Variants in ACCSL observed in about 807,000 individuals in gnomAD.
ACCSL encodes the protein probable inactive 1-aminocyclopropane-1-carboxylate synthase-like protein 2.
Under a neutral mutation model 61.7 loss-of-function variants are expected in ACCSL, and 55 were observed. That is an observed-to-expected ratio of 0.89 (90% confidence interval 0.72 to 1.12). ACCSL has a LOEUF of 1.12. ACCSL is among the 50% of genes most tolerant of loss of function. The pLI is 0.00. For synonymous variants in ACCSL, 258 were observed against 264.3 expected (o/e 0.98, Z 0.23); for missense variants, 632 against 698.0 (o/e 0.91, Z 1.07).
chr11:44,053,954 C>T (rs1952655504), intron 8 of ACCSL, among the ~76,000 whole-genome samples: 1 of 152,230 alleles, frequency 6.6e-6, no homozygotes, highest in Non-Finnish European at 1.5e-5. Flanking sequence ...AAAACGCAAT[C>T]ACATGCTTAC....
the ACCSL span, among the ~76,000 whole-genome samples, chr11:44,024,437 CTCTCTGTGTGTGTGTG>C: frequency 1.5e-4 from 11 of 74,966 alleles, no homozygotes; most frequent in African/African-American, 5.6e-4. Context: ...CTCTCTCTCT[CTCTCTGTGTGTGTGTG>C]TGTGTGTGTG....
chr11:43,996,219 G>A, the ACCSL span, among the ~76,000 whole-genome samples: 6 of 152,194 alleles, frequency 3.9e-5, no homozygotes, highest in Non-Finnish European at 8.8e-5. Context: ...AATTTCTGTT[G>A]TTCAAGCCCC....
At chr11:43,928,842 T>G in the ACCSL span, among the ~76,000 whole-genome samples, 1 of 152,240 alleles carries the variant, frequency 6.6e-6, no homozygotes, top group African/African-American at 2.4e-5. Context: ...CTTTCCGATA[T>G]TCTTCCCTCT....
chr11:43,998,586 G>A, the ACCSL span, among the ~76,000 whole-genome samples: 1 of 152,110 alleles, frequency 6.6e-6, no homozygotes, highest in Non-Finnish European at 1.5e-5. Flanking sequence ...GCATCTCTGG[G>A]TTCAGTGGGT....
chr11:44,051,287 G>T (rs945093416), intron 3 of ACCSL, 48 bp from the exon 4 acceptor site: 7 of 1,598,400 alleles, frequency 4.4e-6, no homozygotes, highest in Non-Finnish European at 2.6e-6. Flanking sequence ...GACCATGAGT[G>T]AGGAAAGGGG....
the ACCSL span, among the ~76,000 whole-genome samples, chr11:44,017,046 C>T: frequency 6.6e-6 from 1 of 152,318 alleles, no homozygotes; most frequent in African/African-American, 2.4e-5. Context: ...AAACAAGTCA[C>T]TTTGAAACCA....
At chr11:44,032,964 T>A in the ACCSL span, among the ~76,000 whole-genome samples, 1 of 152,188 alleles carries the variant, frequency 6.6e-6, no homozygotes, top group Non-Finnish European at 1.5e-5. Flanking sequence ...CTGGCGACAG[T>A]GGGAGGAGTC....
chr11:43,939,853 C>T, the ACCSL span, among the ~76,000 whole-genome samples: 4 of 152,260 alleles, frequency 2.6e-5, no homozygotes, highest in East Asian at 7.7e-4. Flanking sequence ...GTGATCCATC[C>T]GCCTTGGCCT....
chr11:43,940,578 T>C, the ACCSL span, among the ~76,000 whole-genome samples: 1 of 151,678 alleles, frequency 6.6e-6, no homozygotes, highest in Non-Finnish European at 1.5e-5. Flanking sequence ...GCCAGGATGG[T>C]CTCGATCTCC....
Position 44,053,400 on chromosome 11 carries a change from T to A in ACCSL, c.949-6T>A. 3.7e-6 allele frequency: 6 copies of A among 1,614,020 alleles called. No homozygotes were observed. The highest frequency in any genetic ancestry group is 5.1e-6 in the Non-Finnish European group (6 of 1,179,900). On this transcript the variant is annotated splice_region_variant and splice_polypyrimidine_tract_variant and intron_variant, in intron 7 of 13. Transcript: ENST00000378832. ...ATTCACTCAGTTATATTTGGGTTTTTCTTAGGGGAAAAAGGTCCGAGGCCT... is the reference window on the plus strand; with the variant it reads ...ATTCACTCAGTTATATTTGGGTTTTACTTAGGGGAAAAAGGTCCGAGGCCT...
At chr11:43,926,253 C>A in the ACCSL span, among the ~76,000 whole-genome samples, 182 of 150,946 alleles carry the variant, frequency 1.2e-3, no homozygotes, top group Non-Finnish European at 1.9e-3. Flanking sequence ...TCACTCTCGG[C>A]GGCCCCACCA....
the ACCSL span, among the ~76,000 whole-genome samples, chr11:44,002,274 C>G: frequency 6.6e-6 from 1 of 152,114 alleles, no homozygotes; most frequent in Non-Finnish European, 1.5e-5. Context: ...AGCTGTGGGC[C>G]TGGCCTCGAA....
the ACCSL span, among the ~76,000 whole-genome samples, chr11:43,931,413 C>T: frequency 6.6e-6 from 1 of 152,178 alleles, no homozygotes; most frequent in Non-Finnish European, 1.5e-5. Flanking sequence ...TAGACCCTTC[C>T]CAGGCCCAGC....
chr11:43,951,661 C>A, the ACCSL span, among the ~76,000 whole-genome samples: 1 of 152,136 alleles, frequency 6.6e-6, no homozygotes, highest in Non-Finnish European at 1.5e-5. Flanking sequence ...TTAAAAAATG[C>A]GTAATATGTA....
chr11:43,999,975 A>G, the ACCSL span, among the ~76,000 whole-genome samples: 2 of 152,224 alleles, frequency 1.3e-5, no homozygotes, highest in Non-Finnish European at 2.9e-5. Flanking sequence ...TAATCTAGAG[A>G]TGACTTAAAG....
At chr11:44,041,403 C>T in the ACCSL span, among the ~76,000 whole-genome samples, 1 of 152,144 alleles carries the variant, frequency 6.6e-6, no homozygotes, top group Admixed American at 6.5e-5. Context: ...TTCTTTTTAG[C>T]TATATCTAAT....
chr11:44,000,808 C>T, the ACCSL span, among the ~76,000 whole-genome samples: 13,475 of 152,054 alleles, frequency 0.089, 738 homozygotes, highest in East Asian at 0.31. Flanking sequence ...AGTGTATATA[C>T]AAATAGTATG....
the ACCSL span, among the ~76,000 whole-genome samples, chr11:43,961,086 G>A: frequency 3.3e-5 from 5 of 152,292 alleles, no homozygotes; most frequent in South Asian, 2.1e-4. Flanking sequence ...CTTCCAAAGC[G>A]CTGGGATTAC....
the ACCSL span, among the ~76,000 whole-genome samples, chr11:43,951,277 T>C: frequency 6.6e-6 from 1 of 151,594 alleles, no homozygotes; most frequent in Non-Finnish European, 1.5e-5. Context: ...AGAGTGGGAG[T>C]TCTGTTGTTG....
Sources: gnomAD v4.1 joint callset for allele counts (sites outside exome capture counted in the v4.1 genomes callset) on GRCh38, gnomAD v4.1.1 for gene constraint, MANE v1.5 for transcripts, NCBI Gene and HGNC (gene_info 2026-07-23, HGNC 2026-07-21) for gene names.